Variants in GLO1 observed in about 807,000 individuals in gnomAD.
The protein encoded by GLO1 is lactoylglutathione lyase.
Under a neutral mutation model 26.0 loss-of-function variants are expected in GLO1, and 28 were observed. The observed-to-expected ratio is 1.08, with a 90% CI of 0.80 to 1.48. The LOEUF (loss-of-function observed/expected upper bound fraction) is 1.48. Ranked by LOEUF, GLO1 falls within the 40% of genes most tolerant of loss-of-function variation. GLO1 has a pLI of 0.00. For synonymous variants in GLO1, 78 were observed against 77.6 expected (o/e 1.00, Z -0.03); for missense variants, 225 against 224.8 (o/e 1.00, Z -0.01).
At position 38,676,213 on chromosome 6, in the gene GLO1, G is replaced by T. The variant is rs1042094735; in HGVS notation, c.*1082C>A. On this transcript the variant is annotated 3_prime_UTR_variant, in exon 6 of 6. Coordinates refer to ENST00000373365, the MANE Select transcript of GLO1 (RefSeq NM_006708.3). ...CTCATCAAATGTGAATCATGGCGGG[G>T]AAGACCACTGAGCTGATTTCTGATA... The T allele has an allele frequency of 2.0e-5, 3 of 152,144 alleles. No homozygotes were observed. Among genetic ancestry groups the T allele is most frequent in the African/African-American group, 7.2e-5 (3 of 41,418 alleles). The allele number at this position is 152,144 out of a possible 1,614,324, so 9.4% of individuals were successfully genotyped here. A position where few individuals can be genotyped will look rare whatever the true frequency, so the allele number is the denominator to read the frequency against.
intron 1 of GLO1, among the ~76,000 whole-genome samples, chr6:38,699,128 AT>A (rs1399644169): frequency 6.6e-6 from 1 of 152,226 alleles, no homozygotes; most frequent in Non-Finnish European, 1.5e-5. Flanking sequence ...CCTGCCCTGC[AT>A]TGCAATTCTA....
At chr6:38,696,678 C>T (rs1266248561) in intron 1 of GLO1, among the ~76,000 whole-genome samples, 1 of 152,204 alleles carries the variant, frequency 6.6e-6, no homozygotes, top group Non-Finnish European at 1.5e-5. Context: ...GATTTCAACA[C>T]ATGAATTTTG....
chr6:38,682,085 A>G lies in GLO1; in HGVS notation c.393T>C (p.Ala131=), dbSNP rs781302907. The G allele has an allele frequency of 1.9e-6, 3 of 1,582,918 alleles. No homozygotes were observed. In the South Asian group the frequency reaches 3.3e-5, roughly 17 times the overall value. ...TACAAGCACTGTATACATCAGGAAC[A>G]GCAATTCCAATATGACCTTACGTGA... The part of the protein sequence containing the change: ...DPRGFGHIGI[A]VPDVYSACKR... The change falls in exon 5 of 6, where the codon GCT becomes GCC. Residue 131 remains alanine (A), a synonymous_variant. Transcript: ENST00000373365.
chr6:38,683,006 T>C (rs1192673103), intron 3 of GLO1, 131 bp from the exon 4 acceptor site: 2 of 605,126 alleles, frequency 3.3e-6, no homozygotes, highest in African/African-American at 1.9e-5. Flanking sequence ...GCTACAAAAA[T>C]ATTAAGTTTT....
intron 1 of GLO1, among the ~76,000 whole-genome samples, chr6:38,697,771 GT>G (rs1035038134): frequency 1.3e-5 from 2 of 152,150 alleles, no homozygotes; most frequent in African/African-American, 4.8e-5. Context: ...GAACAAAGTG[GT>G]TTTCACCAGA....
chr6:38,695,627 A>G (rs1370181751), intron 1 of GLO1, among the ~76,000 whole-genome samples: 1 of 151,846 alleles, frequency 6.6e-6, no homozygotes, highest in African/African-American at 2.4e-5. Flanking sequence ...CTTCCCCCAC[A>G]TCACCTTGGC....
intron 1 of GLO1, among the ~76,000 whole-genome samples, chr6:38,687,420 C>T (rs1562485282): frequency 6.6e-6 from 1 of 152,198 alleles, no homozygotes; most frequent in African/African-American, 2.4e-5. Flanking sequence ...TTGGGGCTAC[C>T]CAAACTAAGA....
At chr6:38,685,350 GGTT>G (rs564315302) in intron 2 of GLO1, among the ~76,000 whole-genome samples, 108 of 152,254 alleles carry the variant, frequency 7.1e-4, no homozygotes, top group African/African-American at 2.5e-3. Context: ...TGAATCCTGA[GGTT>G]TTAAGAAAGA....
Position 38,686,959 on chromosome 6 carries a change from G to A in GLO1, c.100C>T (p.Gln34Ter), listed in dbSNP as rs143771246. ...DPSTKDFLLQ[Q>*]TMLRVKDPKK... ...GGATCCTTCACTCGTAGCATGGTCT[G>A]CTGCAATAGAAAATCCTATGGAAAA... The change falls in exon 2 of 6, where the codon CAG (glutamine) becomes TAG (stop). Residue 34 changes from glutamine to a stop codon, truncating the protein, a stop_gained. Transcript: ENST00000373365. LOFTEE classifies it high-confidence loss of function. The A allele has an allele frequency of 4.4e-6, 7 of 1,602,238 alleles. No homozygotes were observed. In the African/African-American group the frequency reaches 5.4e-5, roughly 12 times the overall value.
At chr6:38,688,419 T>TAA (rs202215094) in intron 1 of GLO1, among the ~76,000 whole-genome samples, 13 of 148,182 alleles carry the variant, frequency 8.8e-5, no homozygotes, top group African/African-American at 1.2e-4. Context: ...GATACCAAAA[T>TAA]AAAAAAAAAA....
rs374940375 is a variant in GLO1 at position 38,678,931 on chromosome 6, T to C, written c.467-1548A>G. Among the ~76,000 whole-genome samples the C allele has an allele frequency of 1.1e-4, 17 of 152,310 alleles. No homozygotes were observed. In the East Asian group the frequency reaches 2.9e-3, roughly 26 times the overall value. The stretch of plus-strand genomic sequence containing the variant: ...CCCATTGTCCTGAGATCATGTGGGT[T>C]GTTAAGGACAGGGATCTGGCCATTC... On this transcript the variant is annotated intron_variant, in intron 5 of 5. Coordinates refer to ENST00000373365, the MANE Select transcript of GLO1 (RefSeq NM_006708.3).
intron 1 of GLO1, among the ~76,000 whole-genome samples, chr6:38,691,107 C>T (rs6932648): frequency 0.18 from 27,216 of 152,042 alleles, 3,036 homozygotes; most frequent in African/African-American, 0.3. Context: ...TTGTCTTTCC[C>T]TTATCATGCT....
In GLO1 at chr6:38,682,704, C is replaced by T; in HGVS notation, c.376+104G>A. On this transcript the variant is annotated intron_variant, in intron 4 of 5. Transcript: ENST00000373365. Reference sequence around the variant, plus strand: ...TCATATCTCTAATAAATTGATCATACTTAATTAGGACATTAATGTTTTAGG... The same window carrying T: ...TCATATCTCTAATAAATTGATCATATTTAATTAGGACATTAATGTTTTAGG... 9.9e-6 allele frequency: 6 copies of T among 605,616 alleles called. No individual in the cohort carries two copies. The South Asian group carries it at 1.4e-4, about 14-fold the overall frequency. The allele number at this position is 605,616 out of a possible 1,614,324, so 37.5% of individuals were successfully genotyped here.
At chr6:38,692,455 C>T (rs1391076921) in intron 1 of GLO1, among the ~76,000 whole-genome samples, 1 of 151,904 alleles carries the variant, frequency 6.6e-6, no homozygotes, top group Non-Finnish European at 1.5e-5. Context: ...CTTATTATTC[C>T]CTATGTAGAC....
chr6:38,701,788 T>C (rs1001565790), intron 1 of GLO1, among the ~76,000 whole-genome samples: 1 of 152,208 alleles, frequency 6.6e-6, no homozygotes, highest in African/African-American at 2.4e-5. Context: ...GGACCACTTA[T>C]CTACCCCTTT....
At position 38,677,343 on chromosome 6, in the gene GLO1, G is replaced by T; in HGVS notation, c.507C>A (p.Gly169=). The T allele has an allele frequency of 6.4e-7, 1 of 1,569,588 alleles. No individual in the cohort carries two copies. The highest frequency in any genetic ancestry group is 8.8e-7 in the Non-Finnish European group (1 of 1,139,532). The change falls in exon 6 of 6, where the codon GGC becomes GGA. Residue 169 remains glycine (G), a synonymous_variant. Transcript: ENST00000373365. ...KGLAFIQDPD[G]YWIEILNPNK... ...TAGGATTCAAAATTTCAATCCAGTA[G>T]CCATCAGGATCTTGAATAAATGCCA... is the stretch of plus-strand genomic sequence containing the variant.
Position 38,677,335 on chromosome 6 carries a change from AT to A in GLO1, c.514del (p.Ile172LeufsTer4), listed in dbSNP as rs767289820. 14 of 1,570,112 alleles carry A rather than the reference AT, an allele frequency of 8.9e-6. No homozygotes were observed. Among genetic ancestry groups the A allele is most frequent in the Non-Finnish European group, 8.8e-7 (1 of 1,139,910 alleles). ...AFIQDPDGYW[I>X]EILNPNKMAT... ...CATTTTGTTAGGATTCAAAATTTCA[AT>A]CCAGTAGCCATCAGGATCTTGAATA... On this transcript the variant is annotated frameshift_variant, in exon 6 of 6. Coordinates refer to ENST00000373365, the MANE Select transcript of GLO1 (RefSeq NM_006708.3). LOFTEE classifies it high-confidence loss of function.
At chr6:38,677,506 G>C in intron 5 of GLO1, 123 bp from the exon 6 acceptor site, 1 of 619,982 alleles carries the variant, frequency 1.6e-6, no homozygotes, top group African/African-American at 1.8e-5. Flanking sequence ...GATGATCATG[G>C]CCCAAGGCAG....
chr6:38,686,882 C>T lies in GLO1; in HGVS notation c.167+10G>A. 6.9e-7 allele frequency: 1 copy of T among 1,447,690 alleles called. No individual in the cohort carries two copies. Among genetic ancestry groups the T allele is most frequent in the Non-Finnish European group, 9.7e-7 (1 of 1,029,754 alleles). The allele number at this position is 1,447,690 out of a possible 1,614,324, so 89.7% of individuals were successfully genotyped here. On this transcript the variant is annotated intron_variant, in intron 2 of 5. Transcript: ENST00000373365. ...TTAAACATTAAGGTGCCAATAAGTA[C>T]TTGACTTACGTCATTCCAAGAACTC...
Sources: allele counts gnomAD v4.1 joint callset (sites outside exome capture counted in the v4.1 genomes callset), GRCh38; gene constraint gnomAD v4.1.1; transcripts MANE v1.5; gene names NCBI Gene and HGNC (gene_info 2026-07-23, HGNC 2026-07-21).